The following AUNIP variants were observed in gnomAD, a reference collection of about 807,000 sequenced individuals.
AUNIP encodes the protein aurora kinase A- and ninein-interacting protein.
A neutral mutation model predicts 12.2 loss-of-function variants in AUNIP; 16 were observed. The observed-to-expected ratio is 1.31, with a 90% CI of 0.88 to 1.99. AUNIP has a LOEUF of 1.99. AUNIP is among the 30% of genes most tolerant of loss of function. AUNIP has a pLI of 0.00. For synonymous variants in AUNIP, 142 were observed against 154.8 expected, an observed-to-expected ratio of 0.92 and a Z score of 0.61; for missense variants, 411 against 419.1, an observed-to-expected ratio of 0.98 and a Z score of 0.17.
chr1:25,859,441 T>C lies in AUNIP; in HGVS notation c.-84A>G. ...ACGCCAGAACCGCGGCCGCCGACGT[T>C]CGGATCTCGCGCCAACGCTGGGGGC... On this transcript the variant is annotated 5_prime_UTR_variant, in exon 1 of 3. Transcript: ENST00000374298. 3.1e-6 allele frequency: 4 copies of C among 1,284,972 alleles called. No individual in the cohort carries two copies. The highest frequency in any genetic ancestry group is 4.1e-6 in the Non-Finnish European group (4 of 980,794). The allele number at this position is 1,284,972 out of a possible 1,614,324, so 79.6% of individuals were successfully genotyped here.
intron 1 of AUNIP, among the ~76,000 whole-genome samples, chr1:25,856,786 T>G (rs1352222886): frequency 1.3e-5 from 2 of 152,028 alleles, no homozygotes; most frequent in African/African-American, 2.4e-5. Flanking sequence ...CCTGAACTCT[T>G]CCTAATTCTA....
In AUNIP at chr1:25,835,672, A is replaced by G. The variant is rs2048296472; in HGVS notation, c.395T>C (p.Leu132Pro). ...AGAAGTCTGGAGGGACTGAGGAGAG[A>G]GTCCAGCTTCCTGGATGTCTGCAGT... ...STTADIQEAG[L>P]SPQSLQTSGH... is the part of the protein sequence containing the mutation. Residue 132 changes from leucine to proline, a missense_variant, in exon 3 of 3, where the codon CTC becomes CCC. Coordinates refer to ENST00000374298, the MANE Select transcript of AUNIP (RefSeq NM_024037.3). 6.2e-7 allele frequency: 1 copy of G among 1,614,216 alleles called. No individual in the cohort carries two copies. The highest frequency in any genetic ancestry group is 8.5e-7 in the Non-Finnish European group (1 of 1,180,038).
At chr1:25,832,407 TCA>T, downstream of AUNIP, 1 of 437,376 alleles carries the variant, frequency 2.3e-6, no homozygotes, top group South Asian at 2.3e-5. Flanking sequence ...CAGCTGTCAC[TCA>T]CTCAGCAGCT....
chr1:25,832,115 G>A (rs781259558), downstream of AUNIP: 8 of 1,604,228 alleles, frequency 5.0e-6, no homozygotes, highest in East Asian at 1.6e-4. Context: ...GCCTCTTAAG[G>A]ATAGATCTTC....
At chr1:25,841,120 T>G (rs1037672924) in intron 1 of AUNIP, among the ~76,000 whole-genome samples, 1 of 152,120 alleles carries the variant, frequency 6.6e-6, no homozygotes, top group Non-Finnish European at 1.5e-5. Context: ...TAGGTCAGAG[T>G]GCGGTCAGAA....
Position 25,853,987 on chromosome 1 carries a change from G to A in AUNIP, c.78+5293C>T, listed in dbSNP as rs1054468816. ...TCCCTTTGGGAGGCCAAGGCAGGTA[G>A]ATCACCTGAGGTCAGGAGTTTGAGA... is the stretch of plus-strand genomic sequence containing the variant. On this transcript the variant is annotated intron_variant, in intron 1 of 2. Transcript: ENST00000374298. Among the ~76,000 whole-genome samples the A allele has an allele frequency of 1.6e-4, 24 of 152,284 alleles. 1 individual carries two copies. The highest frequency in any genetic ancestry group is 5.8e-4 in the African/African-American group (24 of 41,562).
chr1:25,834,878 C>G lies in AUNIP; in HGVS notation c.*115G>C. On this transcript the variant is annotated 3_prime_UTR_variant, in exon 3 of 3. Coordinates refer to ENST00000374298, the MANE Select transcript of AUNIP (RefSeq NM_024037.3). The stretch of plus-strand genomic sequence containing the variant: ...CAGAGAAGATGCTCAGTAATGACAA[C>G]TTCATCCCATGCCACCTTCCCACCT... The G allele has an allele frequency of 3.3e-6, 5 of 1,512,896 alleles. No individual in the cohort carries two copies. The highest frequency in any genetic ancestry group is 4.4e-6 in the Non-Finnish European group (5 of 1,138,130). The allele number at this position is 1,512,896 out of a possible 1,614,324, so 93.7% of individuals were successfully genotyped here.
chr1:25,834,342 G>T lies in AUNIP; in HGVS notation c.*651C>A. 2 of 985,346 alleles carry T rather than the reference G, an allele frequency of 2.0e-6. No individual in the cohort carries two copies. The highest frequency in any genetic ancestry group is 1.2e-6 in the Non-Finnish European group (1 of 829,930). 61.0% of individuals were successfully genotyped at this position (985,346 alleles called of 1,614,324 possible). On this transcript the variant is annotated 3_prime_UTR_variant, in exon 3 of 3. Coordinates refer to ENST00000374298, the MANE Select transcript of AUNIP (RefSeq NM_024037.3). ...TAAAAGCTCACACATCTGGCTGGGCGCGGTGGCTTATGCCTGTAATCTCAG... is the reference window on the plus strand; with the variant it reads ...TAAAAGCTCACACATCTGGCTGGGCTCGGTGGCTTATGCCTGTAATCTCAG...
Position 25,834,800 on chromosome 1 carries a change from A to G in AUNIP, c.*193T>C, listed in dbSNP as rs2048286226. 6 of 1,416,810 alleles carry G rather than the reference A, an allele frequency of 4.2e-6. No homozygotes were observed. The highest frequency in any genetic ancestry group is 3.2e-5 in the South Asian group (2 of 62,552). The allele number at this position is 1,416,810 out of a possible 1,614,324, so 87.8% of individuals were successfully genotyped here. A position where few individuals can be genotyped will look rare whatever the true frequency, so the allele number is the denominator to read the frequency against. ...TACCAGCCACCACCTTCCTGAGGGA[A>G]AGCCATGATGCCAATCCCACTGTCT... On this transcript the variant is annotated 3_prime_UTR_variant, in exon 3 of 3. Transcript: ENST00000374298.
At chr1:25,840,896 C>T (rs973514925) in intron 1 of AUNIP, among the ~76,000 whole-genome samples, 8 of 151,946 alleles carry the variant, frequency 5.3e-5, no homozygotes, top group African/African-American at 1.5e-4. Context: ...TAGCGATGAA[C>T]AAAATAGACT....
chr1:25,835,018 T>G lies in AUNIP; in HGVS notation c.1049A>C (p.Asn350Thr). Residue 350 changes from asparagine (N) to threonine (T), a missense_variant, in exon 3 of 3, where the codon AAT (asparagine) becomes ACT (threonine). By Grantham distance (65) the Asn-to-Thr change is moderately conservative. Transcript: ENST00000374298. Reference sequence around the variant, plus strand: ...TTAGAATTGGTGTCTGATAACTTGATTACCTTCAGAGTCCTGGGTAAAGAG... The same window carrying G: ...TTAGAATTGGTGTCTGATAACTTGAGTACCTTCAGAGTCCTGGGTAAAGAG... ...DLLFTQDSEGNQVIRHQF is the reference protein window; with the variant it reads ...DLLFTQDSEGTQVIRHQF The G allele has an allele frequency of 1.2e-6, 2 of 1,610,676 alleles. No homozygotes were observed. The highest frequency in any genetic ancestry group is 1.7e-6 in the Non-Finnish European group (2 of 1,178,574).
chr1:25,854,906 G>T (rs1482601085), intron 1 of AUNIP, among the ~76,000 whole-genome samples: 1 of 151,298 alleles, frequency 6.6e-6, no homozygotes, highest in Non-Finnish European at 1.5e-5. Flanking sequence ...AAGAGACAAT[G>T]AAGCTAAAGC....
At chr1:25,848,427 A>AGTT (rs902245667) in intron 1 of AUNIP, among the ~76,000 whole-genome samples, 29 of 139,154 alleles carry the variant, frequency 2.1e-4, no homozygotes, top group Admixed American at 1.7e-3. Flanking sequence ...GGTCGCAGTG[A>AGTT]GTTGAGATCG....
rs147333058 is a variant in AUNIP at position 25,859,405 on chromosome 1, C to A, written c.-48G>T. On this transcript the variant is annotated 5_prime_UTR_variant, in exon 1 of 3. Coordinates refer to ENST00000374298, the MANE Select transcript of AUNIP (RefSeq NM_024037.3). ...GCAGGACGCCGGCGCAGGCTCCCGG[C>A]GCCTCAGGGAACGCCAGAACCGCGG... 0.014 allele frequency: 20,300 copies of A among 1,463,422 alleles called. 164 individuals carry two copies. The highest frequency in any genetic ancestry group is 0.016 in the Non-Finnish European group (18,338 of 1,113,928). 90.7% of individuals were successfully genotyped at this position (1,463,422 alleles called of 1,614,324 possible).
intron 1 of AUNIP, among the ~76,000 whole-genome samples, chr1:25,841,411 G>A (rs1161701380): frequency 3.3e-5 from 5 of 152,192 alleles, no homozygotes; most frequent in African/African-American, 1.2e-4. Context: ...GCAAGCCTGT[G>A]TTGAGCAAGT....
intron 1 of AUNIP, among the ~76,000 whole-genome samples, chr1:25,845,577 T>C (rs1207087568): frequency 6.6e-6 from 1 of 152,178 alleles, no homozygotes. Flanking sequence ...GAACTGGCCA[T>C]TTATCACTTG....
At position 25,834,191 on chromosome 1, in the gene AUNIP, T is replaced by G; in HGVS notation, c.*802A>C. The G allele has an allele frequency of 1.0e-6, 1 of 985,310 alleles. No homozygotes were observed. The highest frequency in any genetic ancestry group is 1.2e-6 in the Non-Finnish European group (1 of 829,892). The allele number at this position is 985,310 out of a possible 1,614,324, so 61.0% of individuals were successfully genotyped here. The stretch of plus-strand genomic sequence containing the variant: ...TTACCACAAAAATAAAATAGGAAAC[T>G]AGCACCATTCTACCTCTCTTCTCTC... On this transcript the variant is annotated 3_prime_UTR_variant, in exon 3 of 3. Transcript: ENST00000374298.
chr1:25,854,473 T>C (rs1470679474), intron 1 of AUNIP, among the ~76,000 whole-genome samples: 3 of 152,216 alleles, frequency 2.0e-5, no homozygotes, highest in Non-Finnish European at 4.4e-5. Flanking sequence ...AACAGGTACA[T>C]GTGAAGTCCA....
In AUNIP at chr1:25,835,853, A is replaced by G. The variant is rs1044703448; in HGVS notation, c.221-7T>C. ...TCACTGCCATTTGTCTTTCCTAATA[A>G]AACAGGAATGAACAAATATTATTCT... On this transcript the variant is annotated splice_polypyrimidine_tract_variant and splice_region_variant and intron_variant, in intron 2 of 2. Transcript: ENST00000374298. The G allele has an allele frequency of 6.2e-6, 10 of 1,611,202 alleles. No homozygotes were observed. The highest frequency in any genetic ancestry group is 1.3e-5 in the African/African-American group (1 of 74,778).
Sources: allele counts gnomAD v4.1 joint callset (sites outside exome capture counted in the v4.1 genomes callset), GRCh38; gene constraint gnomAD v4.1.1; transcripts MANE v1.5; gene names NCBI Gene and HGNC (gene_info 2026-07-23, HGNC 2026-07-21).